Variants in GFRAL observed in about 807,000 individuals in gnomAD.
GFRAL encodes the protein GDNF family receptor alpha like, also known as GDNF family receptor alpha-like.
GFRAL carries 36 observed loss-of-function variants against 45.4 expected under a neutral mutation model. The ratio of observed to expected loss-of-function variants is 0.79; its 90% CI spans 0.61 to 1.05. GFRAL has a LOEUF of 1.05. Ranked by LOEUF, GFRAL falls within the 50% of genes least tolerant of loss-of-function variation. GFRAL has a pLI of 0.00. For missense variants in GFRAL, 507 were observed against 467.5 expected (o/e 1.08, Z -0.78); for synonymous variants, 166 against 154.1 (o/e 1.08, Z -0.57).
chr6:55,336,239 G>A (rs1017824170), intron 3 of GFRAL, among the ~76,000 whole-genome samples: 9 of 152,084 alleles, frequency 5.9e-5, no homozygotes, highest in Admixed American at 2.6e-4. Context: ...CCACCGGGCC[G>A]GGCCACTTCT....
intron 6 of GFRAL, among the ~76,000 whole-genome samples, chr6:55,376,516 T>A (rs1176303726): frequency 1.3e-5 from 2 of 152,078 alleles, no homozygotes; most frequent in Admixed American, 1.3e-4. Flanking sequence ...CTGCCTCAAT[T>A]TCAGAACTCA....
At chr6:55,371,456 A>C (rs1242936617) in intron 6 of GFRAL, among the ~76,000 whole-genome samples, 1 of 151,916 alleles carries the variant, frequency 6.6e-6, no homozygotes, top group African/African-American at 2.4e-5. Context: ...ACCACTTCCT[A>C]TAACATCTAG....
chr6:55,359,160 A>ATCCG, intron 6 of GFRAL, 22 bp downstream of exon 6: 3 of 1,469,240 alleles, frequency 2.0e-6, no homozygotes, highest in Non-Finnish European at 2.8e-6. Flanking sequence ...AAATAAAATT[A>ATCCG]TCTGTCTATC....
chr6:55,374,852 A>G (rs1768502489), intron 6 of GFRAL, among the ~76,000 whole-genome samples: 1 of 151,862 alleles, frequency 6.6e-6, no homozygotes, highest in South Asian at 2.1e-4. Context: ...GCTAACCAGC[A>G]CTCCAGGCAT....
At chr6:55,365,612 C>G (rs1231137135) in intron 6 of GFRAL, among the ~76,000 whole-genome samples, 2 of 119,352 alleles carry the variant, frequency 1.7e-5, no homozygotes, top group Non-Finnish European at 3.4e-5. Context: ...GAAATATGTC[C>G]CATCAATACC....
intron 6 of GFRAL, among the ~76,000 whole-genome samples, chr6:55,395,162 GA>G (rs869161118): frequency 0.098 from 12,213 of 125,100 alleles, 705 homozygotes; most frequent in Admixed American, 0.15. Flanking sequence ...TCAGCCTATG[GA>G]AAAAAAAAAA....
intron 6 of GFRAL, among the ~76,000 whole-genome samples, chr6:55,381,095 G>C (rs1008686891): frequency 1.2e-4 from 18 of 151,860 alleles, no homozygotes; most frequent in African/African-American, 4.3e-4. Flanking sequence ...TCCTTCAGTG[G>C]TGTCATCATT....
At chr6:55,395,795 A>T (rs1024532868) in intron 6 of GFRAL, among the ~76,000 whole-genome samples, 1 of 151,440 alleles carries the variant, frequency 6.6e-6, no homozygotes, top group African/African-American at 2.4e-5. Flanking sequence ...AAAAAAAAAA[A>T]GAAAAAAGAA....
At chr6:55,342,787 A>T in intron 3 of GFRAL, among the ~76,000 whole-genome samples, 1 of 152,180 alleles carries the variant, frequency 6.6e-6, no homozygotes, top group East Asian at 1.9e-4. Context: ...GACCCATCTC[A>T]CGTGCAGAGA....
intron 1 of GFRAL, among the ~76,000 whole-genome samples, chr6:55,329,859 A>G (rs768337726): frequency 6.6e-6 from 1 of 152,006 alleles, no homozygotes; most frequent in African/African-American, 2.4e-5. Flanking sequence ...TAAAAAAAAA[A>G]GAGAGATTTC....
chr6:55,375,322 T>C (rs1378628111), intron 6 of GFRAL, among the ~76,000 whole-genome samples: 1 of 152,164 alleles, frequency 6.6e-6, no homozygotes, highest in Non-Finnish European at 1.5e-5. Flanking sequence ...GTAGTTCTCC[T>C]TGATGATGTC....
chr6:55,333,307 T>C (rs1351806544), intron 2 of GFRAL, among the ~76,000 whole-genome samples: 3 of 152,146 alleles, frequency 2.0e-5, no homozygotes, highest in Admixed American at 6.5e-5. Flanking sequence ...ATGAGACTTA[T>C]TCAATAATAT....
At chr6:55,345,759 C>G (rs905824804) in intron 3 of GFRAL, among the ~76,000 whole-genome samples, 1 of 152,108 alleles carries the variant, frequency 6.6e-6, no homozygotes, top group African/African-American at 2.4e-5. Flanking sequence ...GAACAGGCAA[C>G]CTACAGAATG....
At chr6:55,358,101 A>G (rs1204315015) in intron 5 of GFRAL, among the ~76,000 whole-genome samples, 2 of 151,832 alleles carry the variant, frequency 1.3e-5, no homozygotes, top group East Asian at 1.9e-4. Context: ...TTAATTATTA[A>G]AAACAATGTG....
intron 8 of GFRAL, among the ~76,000 whole-genome samples, chr6:55,400,056 C>T (rs914164227): frequency 6.6e-6 from 1 of 152,050 alleles, no homozygotes; most frequent in Non-Finnish European, 1.5e-5. Flanking sequence ...ATGAGATATA[C>T]ATCAACCTCT....
intron 6 of GFRAL, among the ~76,000 whole-genome samples, chr6:55,374,324 C>T (rs1233679991): frequency 6.6e-6 from 1 of 152,016 alleles, no homozygotes; most frequent in Non-Finnish European, 1.5e-5. Context: ...GGAATTGCCA[C>T]ACTGTCTTCA....
intron 6 of GFRAL, among the ~76,000 whole-genome samples, chr6:55,367,575 G>T (rs1468738724): frequency 6.6e-6 from 1 of 151,322 alleles, no homozygotes; most frequent in Admixed American, 6.6e-5. Context: ...TGCAGCAGCT[G>T]GTACCGGTTG....
chr6:55,400,187 C>A (rs1045959274), intron 8 of GFRAL, among the ~76,000 whole-genome samples: 3 of 152,072 alleles, frequency 2.0e-5, no homozygotes, highest in African/African-American at 7.2e-5. Flanking sequence ...CAATCATGTT[C>A]ATTTGCTTAT....
intron 3 of GFRAL, among the ~76,000 whole-genome samples, chr6:55,342,591 A>G (rs562982162): frequency 3.9e-4 from 59 of 152,154 alleles, no homozygotes; most frequent in Non-Finnish European, 7.6e-4. Flanking sequence ...TGTAAAGACC[A>G]TCGATGTTAG....
Sources: gnomAD v4.1 joint callset for allele counts (sites outside exome capture counted in the v4.1 genomes callset) on GRCh38, gnomAD v4.1.1 for gene constraint, MANE v1.5 for transcripts, NCBI Gene and HGNC (gene_info 2026-07-23, HGNC 2026-07-21) for gene names.